MAD1L1: variants seen among roughly 807,000 people sequenced by gnomAD.
MAD1L1 encodes the protein mitotic arrest deficient 1 like 1.
MAD1L1 carries 95 observed loss-of-function variants against 96.9 expected under a neutral mutation model. The observed-to-expected ratio is 0.98, with a 90% confidence interval of 0.83 to 1.16. The LOEUF is 1.16. Among genes scored for constraint, MAD1L1 ranks in the 50% most tolerant of loss-of-function variants. MAD1L1 has a pLI of 0.00. For missense variants in MAD1L1, 1,007 were observed against 954.4 expected (o/e 1.06, Z -0.73); for synonymous variants, 473 against 396.6 (o/e 1.19, Z -2.29).
intron 18 of MAD1L1, among the ~76,000 whole-genome samples, chr7:1,875,728 G>A (rs759608013): frequency 1.3e-5 from 2 of 152,246 alleles, no homozygotes; most frequent in African/African-American, 2.4e-5. Flanking sequence ...AGACGTGTGC[G>A]AACATCTATG....
At chr7:2,037,567 T>C (rs1320087525) in intron 12 of MAD1L1, among the ~76,000 whole-genome samples, 4 of 152,244 alleles carry the variant, frequency 2.6e-5, no homozygotes, top group Admixed American at 2.6e-4. Flanking sequence ...CTGATCTTAC[T>C]ACTGTCATTG....
intron 18 of MAD1L1, among the ~76,000 whole-genome samples, chr7:1,881,024 T>C (rs1455843370): frequency 1.3e-5 from 2 of 152,172 alleles, no homozygotes; most frequent in Non-Finnish European, 2.9e-5. Flanking sequence ...TGCAGAACCT[T>C]AGGTGAACCA....
chr7:1,974,975 T>C (rs1009952046), intron 15 of MAD1L1, among the ~76,000 whole-genome samples: 5 of 152,214 alleles, frequency 3.3e-5, no homozygotes, highest in African/African-American at 9.6e-5. Flanking sequence ...GGAGCGCACC[T>C]GCCTTCACTG....
intron 17 of MAD1L1, among the ~76,000 whole-genome samples, chr7:1,924,578 G>C (rs1788989974): frequency 6.6e-6 from 1 of 152,154 alleles, no homozygotes; most frequent in African/African-American, 2.4e-5. Flanking sequence ...GACACTGCTG[G>C]GCAAGCAAAC....
chr7:2,020,610 G>A (rs976585456), intron 12 of MAD1L1, among the ~76,000 whole-genome samples: 4 of 152,188 alleles, frequency 2.6e-5, no homozygotes, highest in African/African-American at 4.8e-5. Context: ...CCTGGTACCC[G>A]GAGTCTAGGG....
At chr7:2,034,160 A>G (rs952415354) in intron 12 of MAD1L1, among the ~76,000 whole-genome samples, 3 of 152,208 alleles carry the variant, frequency 2.0e-5, no homozygotes, top group Non-Finnish European at 4.4e-5. Flanking sequence ...AGGATGTTGC[A>G]CACATTAGCA....
chr7:2,162,622 A>C lies in MAD1L1; in HGVS notation c.987-13384T>G, dbSNP rs541254155. 1.5e-4 allele frequency among the ~76,000 whole-genome samples: 23 copies of C among 151,844 alleles called. No homozygotes were observed. The South Asian group carries it at 3.1e-3, about 21-fold the overall frequency. Reference sequence around the variant, plus strand: ...AAAAAACAAACAAAAAACCAACTTAAAGGGGTAAATGATATCTTAAAAAAA... The same window carrying C: ...AAAAAACAAACAAAAAACCAACTTACAGGGGTAAATGATATCTTAAAAAAA... On this transcript the variant is annotated intron_variant, in intron 10 of 18. Coordinates refer to ENST00000265854, the MANE Select transcript of MAD1L1 (RefSeq NM_001013836.2).
rs370543324 is a variant in MAD1L1, at chr7:2,222,700, G to A, written c.346C>T (p.Arg116Trp). 2.2e-5 allele frequency: 35 copies of A among 1,610,550 alleles called. No individual in the cohort carries two copies. The highest frequency in any genetic ancestry group is 5.3e-5 in the African/African-American group (4 of 74,890). ...ATCTTCTCCTCCGCCCCGGCCTCCC[G>A]CTCCTGAAGCTGCCGGATGCGCGTC... is the stretch of plus-strand genomic sequence containing the variant. ...LLTRIRQLQE[R>W]EAGAEEKMQE... is the part of the protein sequence containing the mutation. The change falls in exon 5 of 19, where the codon CGG becomes TGG. Residue 116 changes from arginine (R) to tryptophan (W), a missense_variant. Transcript: ENST00000265854.
chr7:1,988,669 G>A (rs1781270239), intron 14 of MAD1L1, among the ~76,000 whole-genome samples: 1 of 152,232 alleles, frequency 6.6e-6, no homozygotes. Flanking sequence ...CAGCGTGGCT[G>A]GGGAGGGCAG....
chr7:2,073,355 T>C (rs1431977661), intron 11 of MAD1L1, among the ~76,000 whole-genome samples: 1 of 152,240 alleles, frequency 6.6e-6, no homozygotes, highest in Non-Finnish European at 1.5e-5. Context: ...AGGAGTGCTG[T>C]GGCCTGGCCA....
At chr7:1,905,841 G>A (rs944587485) in intron 17 of MAD1L1, among the ~76,000 whole-genome samples, 1 of 152,136 alleles carries the variant, frequency 6.6e-6, no homozygotes, top group East Asian at 1.9e-4. Flanking sequence ...TCTGAGGTCA[G>A]GAGTTCAAGA....
At chr7:2,018,944 A>G (rs994068754) in intron 12 of MAD1L1, among the ~76,000 whole-genome samples, 1 of 151,776 alleles carries the variant, frequency 6.6e-6, no homozygotes, top group Non-Finnish European at 1.5e-5. Context: ...AGCCACCTCC[A>G]CCCAACTCTG....
chr7:1,822,429 C>CATATATATATAT (rs1413432199), intron 18 of MAD1L1, among the ~76,000 whole-genome samples: 43 of 127,938 alleles, frequency 3.4e-4, no homozygotes, highest in African/African-American at 9.9e-4. Context: ...CAAACCTCAG[C>CATATATATATAT]ATATATATAT....
chr7:1,831,004 T>G (rs1283593045), intron 18 of MAD1L1, among the ~76,000 whole-genome samples: 1 of 152,266 alleles, frequency 6.6e-6, no homozygotes, highest in Admixed American at 6.5e-5. Context: ...GAAGCACATT[T>G]TAACTATGAA....
intron 17 of MAD1L1, among the ~76,000 whole-genome samples, chr7:1,905,845 T>C (rs1285582669): frequency 2.0e-5 from 3 of 150,948 alleles, no homozygotes; most frequent in African/African-American, 7.3e-5. Flanking sequence ...AGGTCAGGAG[T>C]TCAAGACCAT....
At chr7:2,064,466 G>C (rs530387901) in intron 12 of MAD1L1, among the ~76,000 whole-genome samples, 16 of 152,360 alleles carry the variant, frequency 1.1e-4, no homozygotes, top group Admixed American at 9.8e-4. Context: ...TAAGAGGCTG[G>C]GATGGCTCAG....
intron 11 of MAD1L1, among the ~76,000 whole-genome samples, chr7:2,094,408 C>T (rs1301355626): frequency 6.6e-6 from 1 of 152,232 alleles, no homozygotes; most frequent in Admixed American, 6.5e-5. Context: ...TGAGGAGGCG[C>T]TACCCTTCAA....
chr7:2,032,271 G>C (rs1037647594), intron 12 of MAD1L1, among the ~76,000 whole-genome samples: 1 of 152,232 alleles, frequency 6.6e-6, no homozygotes, highest in Non-Finnish European at 1.5e-5. Context: ...TCCTGAGGCA[G>C]GCTGGAGTCC....
At chr7:2,076,104 G>A (rs1049763777) in intron 11 of MAD1L1, among the ~76,000 whole-genome samples, 43 of 152,322 alleles carry the variant, frequency 2.8e-4, no homozygotes, top group African/African-American at 8.7e-4. Flanking sequence ...GGCTGTTCCC[G>A]CCCCAGTCAC....
Sources: allele counts gnomAD v4.1 joint callset (sites outside exome capture counted in the v4.1 genomes callset), GRCh38; gene constraint gnomAD v4.1.1; transcripts MANE v1.5; gene names NCBI Gene and HGNC (gene_info 2026-07-23, HGNC 2026-07-21).